The following ZNF699 variants were observed in gnomAD, a reference collection of about 807,000 sequenced individuals.
ZNF699 encodes the protein zinc finger protein 699, also known as hangover homolog.
A neutral mutation model predicts 22.5 loss-of-function variants in ZNF699; 18 were observed. The observed-to-expected ratio is 0.80, with a 90% CI of 0.55 to 1.19. The LOEUF (loss-of-function observed/expected upper bound fraction) is 1.19, where lower values mean the gene tolerates loss of function less well. ZNF699 is among the 50% of genes most tolerant of loss of function. ZNF699 has a pLI of 0.00. For synonymous variants in ZNF699, 241 were observed against 262.3 expected (o/e 0.92, Z 0.78); for missense variants, 670 against 763.4 (o/e 0.88, Z 1.44).
chr19:9,309,136 C>CTTTTTTTTTTT (rs61471638), intron 1 of ZNF699, among the ~76,000 whole-genome samples: 15 of 104,816 alleles, frequency 1.4e-4, no homozygotes, highest in East Asian at 2.7e-4. Context: ...TTTTATTTTA[C>CTTTTTTTTTTT]TTTTTTTTTT....
chr19:9,298,395 G>C (rs1370107138), intron 3 of ZNF699, among the ~76,000 whole-genome samples: 1 of 147,808 alleles, frequency 6.8e-6, no homozygotes, highest in African/African-American at 2.5e-5. Flanking sequence ...GCAGTGAGCT[G>C]AGATCGTGCC....
chr19:9,292,520 C>T lies in ZNF699; in HGVS notation c.*2955G>A, dbSNP rs2066268742. Among the ~76,000 whole-genome samples the T allele has an allele frequency of 6.6e-6, 1 of 152,272 alleles. No individual in the cohort carries two copies. The highest frequency in any genetic ancestry group is 2.1e-4 in the South Asian group (1 of 4,822). On this transcript the variant is annotated 3_prime_UTR_variant, in exon 6 of 6. Coordinates refer to ENST00000591998, the MANE Select transcript of ZNF699 (RefSeq NM_198535.3). ...AATGCAGGAGGATGCACAGCCAAGA[C>T]AGGGAGACAGAATTCAACTAGATAA...
intron 3 of ZNF699, among the ~76,000 whole-genome samples, chr19:9,301,925 G>A (rs2066308897): frequency 6.9e-6 from 1 of 143,948 alleles, no homozygotes; most frequent in Non-Finnish European, 1.5e-5. Context: ...TTTTTGAGAT[G>A]GAGTTTCACT....
rs1209727985 is a variant in ZNF699, at chr19:9,295,775, G to C, written c.1629C>G (p.Pro543=). Residue 543 remains proline, a synonymous_variant, in exon 6 of 6, where the codon CCC becomes CCG. Coordinates refer to ENST00000591998, the MANE Select transcript of ZNF699 (RefSeq NM_198535.3). Reference sequence around the variant, plus strand: ...TTCTCATGTGGATCCTAAGGGCTGAGGGATAAATAAAGGCTTTCCCACATT... The same window carrying C: ...TTCTCATGTGGATCCTAAGGGCTGACGGATAAATAAAGGCTTTCCCACATT... ...CKKCGKAFIY[P]SALRIHMRTH... 6.2e-7 allele frequency: 1 copy of C among 1,608,032 alleles called. No individual in the cohort carries two copies. Among genetic ancestry groups the C allele is most frequent in the Middle Eastern group, 1.7e-4 (1 of 6,002 alleles).
intron 3 of ZNF699, among the ~76,000 whole-genome samples, chr19:9,298,722 T>C (rs1197848217): frequency 6.6e-6 from 1 of 152,264 alleles, no homozygotes; most frequent in Non-Finnish European, 1.5e-5. Context: ...TAGAGTATTA[T>C]TGAATAATAC....
chr19:9,293,187 CA>C lies in ZNF699; in HGVS notation c.*2287del, dbSNP rs142715890. Among the ~76,000 whole-genome samples, 11,214 of 129,190 alleles carry C rather than the reference CA, an allele frequency of 0.087. 1,054 individuals are homozygous for C. Among genetic ancestry groups the C allele is most frequent in the African/African-American group, 0.25 (8,945 of 36,296 alleles). 84.8% of individuals were successfully genotyped at this position (129,190 alleles called of 152,430 possible). Reference sequence around the variant, plus strand: ...GATGAAATGTTTCAACAGGTGCCCTCAAAAAAAAAAAAAATCCAAATAGCCA... The same window carrying C: ...GATGAAATGTTTCAACAGGTGCCCTCAAAAAAAAAAAAATCCAAATAGCCA... On this transcript the variant is annotated 3_prime_UTR_variant, in exon 6 of 6. Coordinates refer to ENST00000591998, the MANE Select transcript of ZNF699 (RefSeq NM_198535.3).
chr19:9,298,587 TA>T (rs1334311752), intron 3 of ZNF699, among the ~76,000 whole-genome samples: 2 of 152,100 alleles, frequency 1.3e-5, no homozygotes, highest in Non-Finnish European at 2.9e-5. Flanking sequence ...CTATAGAATA[TA>T]AATAATCTCA....
At chr19:9,303,051 C>T (rs1437274745) in intron 2 of ZNF699, among the ~76,000 whole-genome samples, 1 of 152,082 alleles carries the variant, frequency 6.6e-6, no homozygotes, top group Non-Finnish European at 1.5e-5. Flanking sequence ...AATTTATCTC[C>T]CCACAATCTG....
rs373674961 is a variant in ZNF699 at position 9,296,389 on chromosome 19, C to T, written c.1015G>A (p.Glu339Lys). The T allele has an allele frequency of 2.5e-6, 4 of 1,613,962 alleles. No individual in the cohort carries two copies. Among genetic ancestry groups the T allele is most frequent in the Non-Finnish European group, 3.4e-6 (4 of 1,179,974 alleles). ...HSGDKPYECK[E>K]CGKAFSSSSH... ...GAAGAGCTAAAGGCCTTCCCACATTCCTTACATTCATATGGCTTATCTCCA... is the reference window on the plus strand; with the variant it reads ...GAAGAGCTAAAGGCCTTCCCACATTTCTTACATTCATATGGCTTATCTCCA... Residue 339 changes from glutamate to lysine, a missense_variant, in exon 6 of 6, where the codon GAA (glutamate) becomes AAA (lysine). By Grantham distance (56) the Glu-to-Lys change is moderately conservative. Transcript: ENST00000591998.
Position 9,301,137 on chromosome 19 carries a change from AAGAGAG to A in ZNF699, c.175+1235_175+1240del, listed in dbSNP as rs57187431. Among the ~76,000 whole-genome samples the A allele has an allele frequency of 6.8e-4, 99 of 144,578 alleles. No individual in the cohort carries two copies. The East Asian group carries it at 8.8e-3, about 13-fold the overall frequency. The allele number at this position is 144,578 out of a possible 152,430, so 94.8% of individuals were successfully genotyped here. The stretch of plus-strand genomic sequence containing the variant: ...ATAATAATAAAGCCTACAAAAAAAA[AAGAGAG>A]AGAGAGAGAGAGAGAGAGAAGTCCA... On this transcript the variant is annotated intron_variant, in intron 3 of 5. Transcript: ENST00000591998.
At chr19:9,304,817 G>T (rs1455670181) in intron 2 of ZNF699, among the ~76,000 whole-genome samples, 1 of 151,934 alleles carries the variant, frequency 6.6e-6, no homozygotes, top group African/African-American at 2.4e-5. Flanking sequence ...CAGCCACTCG[G>T]GAGGCTGAGG....
rs2066281578 is a variant in ZNF699 at position 9,295,623 on chromosome 19, T to C, written c.1781A>G (p.Lys594Arg). The C allele has an allele frequency of 6.2e-7, 1 of 1,614,144 alleles. No homozygotes were observed. Among genetic ancestry groups the C allele is most frequent in the Non-Finnish European group, 8.5e-7 (1 of 1,180,008 alleles). ...EKPFECLECG[K>R]AFSCPSSFRR... ...AAAGGATGAGGGACAACTGAAAGCT[T>C]TTCCACATTCCAGACATTCAAAGGG... is the stretch of plus-strand genomic sequence containing the variant. The change falls in exon 6 of 6, where the codon AAA becomes AGA. Residue 594 changes from lysine (K) to arginine (R), a missense_variant. Coordinates refer to ENST00000591998, the MANE Select transcript of ZNF699 (RefSeq NM_198535.3).
chr19:9,305,742 C>T (rs977642395), intron 1 of ZNF699, among the ~76,000 whole-genome samples: 8 of 151,708 alleles, frequency 5.3e-5, no homozygotes, highest in Admixed American at 2.6e-4. Context: ...TGCTCTGTCA[C>T]CCAGGCTGGA....
At chr19:9,308,789 G>A (rs2066336756) in intron 1 of ZNF699, among the ~76,000 whole-genome samples, 1 of 152,180 alleles carries the variant, frequency 6.6e-6, no homozygotes, top group South Asian at 2.1e-4. Flanking sequence ...CCTGGCAAGT[G>A]CAGTAAAGAA....
chr19:9,307,446 A>G (rs1480061097), intron 1 of ZNF699, among the ~76,000 whole-genome samples: 2 of 152,254 alleles, frequency 1.3e-5, no homozygotes, highest in African/African-American at 4.8e-5. Flanking sequence ...AACAAAATAC[A>G]TCAGGTAGAG....
At position 9,293,985 on chromosome 19, in the gene ZNF699, T is replaced by C. The variant is rs1287425715; in HGVS notation, c.*1490A>G. Among the ~76,000 whole-genome samples, 1 of 151,950 alleles carries C rather than the reference T, an allele frequency of 6.6e-6. No homozygotes were observed. The highest frequency in any genetic ancestry group is 1.5e-5 in the Non-Finnish European group (1 of 67,980). On this transcript the variant is annotated 3_prime_UTR_variant, in exon 6 of 6. Coordinates refer to ENST00000591998, the MANE Select transcript of ZNF699 (RefSeq NM_198535.3). The stretch of plus-strand genomic sequence containing the variant: ...TGTTTAAAGGTGTCAAGTATAAATC[T>C]TCCTCCATTAAAACAGGATGATACC...
intron 3 of ZNF699, among the ~76,000 whole-genome samples, chr19:9,301,786 C>T (rs1457175888): frequency 6.6e-6 from 1 of 152,178 alleles, no homozygotes; most frequent in African/African-American, 2.4e-5. Flanking sequence ...AACCTCCTCC[C>T]TGTGTCCTAT....
intron 3 of ZNF699, among the ~76,000 whole-genome samples, chr19:9,301,127 A>AC (rs1323746004): frequency 7.0e-6 from 1 of 142,866 alleles, no homozygotes; most frequent in East Asian, 1.9e-4. Context: ...AATAAAGCCT[A>AC]CAAAAAAAAA....
chr19:9,309,180 T>C (rs549919204), intron 1 of ZNF699, among the ~76,000 whole-genome samples, 170 bp downstream of exon 1: 69 of 148,634 alleles, frequency 4.6e-4, no homozygotes, highest in Middle Eastern at 3.5e-3. Flanking sequence ...GATCTTGCTA[T>C]GTTGCCCAGG....
Sources: allele counts gnomAD v4.1 joint callset (sites outside exome capture counted in the v4.1 genomes callset), GRCh38; gene constraint gnomAD v4.1.1; transcripts MANE v1.5; gene names NCBI Gene and HGNC (gene_info 2026-07-23, HGNC 2026-07-21).